COL25A1: variants seen among roughly 807,000 people sequenced by gnomAD.
COL25A1 encodes collagen type XXV alpha 1 chain.
Under a neutral mutation model 128.4 loss-of-function variants are expected in COL25A1, and 103 were observed. That is an observed-to-expected ratio of 0.80 (90% CI 0.68 to 0.94). The LOEUF is 0.94. Among genes scored for constraint, COL25A1 ranks in the 40% least tolerant of loss-of-function variants. The pLI is 0.00. For synonymous variants in COL25A1, 279 were observed against 277.2 expected (o/e 1.01, Z -0.06); for missense variants, 745 against 840.0 (o/e 0.89, Z 1.40).
At chr4:109,018,041 AT>A (rs540831964) in intron 5 of COL25A1, among the ~76,000 whole-genome samples, 231 of 147,682 alleles carry the variant, frequency 1.6e-3, no homozygotes, top group African/African-American at 4.1e-3. Flanking sequence ...TGTCAAGCTT[AT>A]TTTTTTTTTT....
intron 3 of COL25A1, among the ~76,000 whole-genome samples, chr4:109,177,247 T>A (rs914321028): frequency 6.6e-6 from 1 of 152,136 alleles, no homozygotes; most frequent in African/African-American, 2.4e-5. Flanking sequence ...TTGGACACAC[T>A]CCTTTCAGAG....
intron 24 of COL25A1, among the ~76,000 whole-genome samples, chr4:108,854,893 A>T (rs1220718980): frequency 6.6e-6 from 1 of 152,100 alleles, no homozygotes; most frequent in Non-Finnish European, 1.5e-5. Context: ...CTAATTTCTT[A>T]AAGTGTTAGA....
At chr4:108,900,822 G>A (rs1409062752) in intron 14 of COL25A1, among the ~76,000 whole-genome samples, 1 of 152,010 alleles carries the variant, frequency 6.6e-6, no homozygotes, top group Non-Finnish European at 1.5e-5. Flanking sequence ...CCACTAAGTG[G>A]TAAAATGACA....
intron 6 of COL25A1, among the ~76,000 whole-genome samples, chr4:109,002,050 A>G (rs367620191): frequency 5.1e-4 from 78 of 152,218 alleles, no homozygotes; most frequent in African/African-American, 1.8e-3. Context: ...TAAAAAAGAC[A>G]AAAGATAACA....
chr4:108,900,927 A>C (rs1444543387), intron 14 of COL25A1, among the ~76,000 whole-genome samples, 192 bp downstream of exon 14: 2 of 152,164 alleles, frequency 1.3e-5, no homozygotes, highest in Non-Finnish European at 2.9e-5. Flanking sequence ...TTCTGCATTT[A>C]ATACTAATGA....
chr4:109,055,791 C>T (rs1179804009), intron 3 of COL25A1, among the ~76,000 whole-genome samples: 1 of 152,152 alleles, frequency 6.6e-6, no homozygotes, highest in African/African-American at 2.4e-5. Flanking sequence ...TTGATGCACA[C>T]CAACATTATT....
chr4:109,238,020 T>G (rs1274633765), intron 3 of COL25A1, among the ~76,000 whole-genome samples: 5 of 152,104 alleles, frequency 3.3e-5, no homozygotes, highest in African/African-American at 7.2e-5. Flanking sequence ...GCCTATATGA[T>G]AGTCCATTGT....
chr4:108,877,593 A>G (rs1362283700), intron 19 of COL25A1, among the ~76,000 whole-genome samples: 1 of 152,178 alleles, frequency 6.6e-6, no homozygotes, highest in East Asian at 1.9e-4. Flanking sequence ...TTACTTTTAA[A>G]AAATTCAAAT....
intron 3 of COL25A1, among the ~76,000 whole-genome samples, chr4:109,257,681 A>C (rs533315612): frequency 3.3e-5 from 5 of 152,324 alleles, no homozygotes; most frequent in Admixed American, 3.3e-4. Flanking sequence ...AGCATGCTGT[A>C]GTTGGAATTC....
At chr4:109,071,103 A>G (rs958223879) in intron 3 of COL25A1, among the ~76,000 whole-genome samples, 2 of 152,194 alleles carry the variant, frequency 1.3e-5, no homozygotes, top group African/African-American at 4.8e-5. Flanking sequence ...ACAGAGATAT[A>G]GATCAATGGA....
chr4:108,826,673 T>C (rs558643380), intron 33 of COL25A1, among the ~76,000 whole-genome samples: 1 of 152,182 alleles, frequency 6.6e-6, no homozygotes, highest in African/African-American at 2.4e-5. Flanking sequence ...ATCAATGTAA[T>C]TGGGGGAATA....
intron 6 of COL25A1, among the ~76,000 whole-genome samples, chr4:109,002,622 C>T (rs1462803442): frequency 2.0e-5 from 3 of 152,094 alleles, no homozygotes; most frequent in African/African-American, 7.2e-5. Context: ...ATTGAATATA[C>T]AACATGGGTG....
chr4:108,832,974 A>AATAAATAAATAAATAAATAC (rs1553944781), intron 31 of COL25A1, among the ~76,000 whole-genome samples: 1,970 of 110,080 alleles, frequency 0.018, 39 homozygotes, highest in African/African-American at 0.071. Context: ...CTCAAAAAAT[A>AATAAATAAATAAATAAATAC]ATAAATAAAT....
At chr4:108,862,588 A>G (rs878964485) in intron 21 of COL25A1, 43 bp from the exon 22 acceptor site, 1 of 1,521,734 alleles carries the variant, frequency 6.6e-7, no homozygotes, top group African/African-American at 1.4e-5. Flanking sequence ...AAAATTATAG[A>G]AGAGATAAGA....
At chr4:108,987,728 G>GA (rs1225827911) in intron 6 of COL25A1, among the ~76,000 whole-genome samples, 2 of 151,920 alleles carry the variant, frequency 1.3e-5, no homozygotes, top group Non-Finnish European at 2.9e-5. Context: ...AAGCTACTTG[G>GA]AAAAACAAAA....
chr4:108,852,984 T>C, intron 24 of COL25A1, 59 bp from the exon 25 acceptor site: 5 of 1,451,558 alleles, frequency 3.4e-6, no homozygotes, highest in South Asian at 1.2e-5. Context: ...CAAAGTACAG[T>C]AATACATTTG....
intron 6 of COL25A1, among the ~76,000 whole-genome samples, chr4:108,999,314 C>G (rs2126025884): frequency 6.6e-6 from 1 of 152,262 alleles, no homozygotes; most frequent in East Asian, 1.9e-4. Flanking sequence ...AGGATATGAA[C>G]AGACACTTCT....
chr4:109,111,110 T>C (rs1408042333), intron 3 of COL25A1, among the ~76,000 whole-genome samples: 1 of 152,196 alleles, frequency 6.6e-6, no homozygotes, highest in African/African-American at 2.4e-5. Context: ...ACCTCCTCCC[T>C]GCACATGGAG....
intron 5 of COL25A1, 28 bp from the exon 6 acceptor site, chr4:109,010,403 A>G: frequency 5.9e-6 from 9 of 1,528,664 alleles, no homozygotes; most frequent in Non-Finnish European, 8.0e-6. Flanking sequence ...AAGAAAAACA[A>G]TTACAAAATT....
Sources: gnomAD v4.1 joint callset for allele counts (sites outside exome capture counted in the v4.1 genomes callset) on GRCh38, gnomAD v4.1.1 for gene constraint, MANE v1.5 for transcripts, NCBI Gene and HGNC (gene_info 2026-07-23, HGNC 2026-07-21) for gene names.